OFD1: variants seen among roughly 807,000 people sequenced by gnomAD.
OFD1 encodes the protein OFD1 centriole and centriolar satellite protein, also known as centriole and centriolar satellite protein OFD1.
OFD1 carries 12 observed loss-of-function variants against 81.4 expected under a neutral mutation model. The observed-to-expected ratio is 0.15, with a 90% confidence interval of 0.09 to 0.24. The LOEUF (loss-of-function observed/expected upper bound fraction) is 0.24. OFD1 is among the 10% of genes least tolerant of loss of function. OFD1 has a pLI of 1.00. For synonymous variants in OFD1, 256 were observed against 263.7 expected, an observed-to-expected ratio of 0.97 and a Z score of 0.28; for missense variants, 685 against 733.9, an observed-to-expected ratio of 0.93 and a Z score of 0.77.
intron 15 of OFD1, among the ~76,000 whole-genome samples, chrX:13,759,210 C>T (rs1271675657): frequency 1.8e-5 from 2 of 112,115 alleles, no homozygotes. Flanking sequence ...CTTGTTCCCA[C>T]CTGCATTGTT....
the OFD1 span, chrX:13,722,208 C>CCAAAAAAAAAAAAAAAAAAAA: frequency 8.3e-5 from 3 of 36,118 alleles, no homozygotes; most frequent in African/African-American, 3.6e-4. Flanking sequence ...TAAGCAGCAG[C>CCAAAAAAAAAAAAAAAAAAAA]AAAAAAAAAA....
chrX:13,746,243 T>G, intron 6 of OFD1, 76 bp from the exon 7 acceptor site: 1 of 966,918 alleles, frequency 1.0e-6, no homozygotes, highest in Non-Finnish European at 1.5e-6. Flanking sequence ...CCTCTTTACT[T>G]TTGAACCAGA....
intron 10 of OFD1, among the ~76,000 whole-genome samples, chrX:13,751,980 A>C (rs2047520555): frequency 1.8e-5 from 2 of 112,111 alleles, no homozygotes; most frequent in Admixed American, 1.9e-4. Context: ...TAAGCTGTAA[A>C]ATTGGAATTA....
At chrX:13,714,956 G>A in the OFD1 span, among the ~76,000 whole-genome samples, 1 of 112,168 alleles carries the variant, frequency 8.9e-6, no homozygotes, top group South Asian at 3.7e-4. Context: ...TAAATGATCA[G>A]CTTCTCAAAT....
chrX:13,744,258 A>G (rs997034108), intron 5 of OFD1, among the ~76,000 whole-genome samples, 157 bp from the exon 6 acceptor site: 1 of 111,544 alleles, frequency 9.0e-6, no homozygotes, highest in Non-Finnish European at 1.9e-5. Flanking sequence ...ACACCACTGC[A>G]CTCCAGCCTG....
intron 8 of OFD1, among the ~76,000 whole-genome samples, chrX:13,748,553 A>G (rs1007726439): frequency 4.5e-5 from 5 of 112,214 alleles, no homozygotes; most frequent in Non-Finnish European, 9.4e-5. Flanking sequence ...GATGAGGACT[A>G]TATCTGTCTA....
chrX:13,750,925 A>G, intron 9 of OFD1, among the ~76,000 whole-genome samples: 1 of 112,633 alleles, frequency 8.9e-6, no homozygotes, highest in South Asian at 3.6e-4. Context: ...TAATAATATC[A>G]TTATTTCATC....
intron 20 of OFD1, among the ~76,000 whole-genome samples, chrX:13,767,578 T>C (rs1268369811): frequency 8.9e-6 from 1 of 112,371 alleles, no homozygotes; most frequent in Non-Finnish European, 1.9e-5. Flanking sequence ...TGCAGAACTT[T>C]GCTTTGAAAA....
chrX:13,764,895 T>C (rs1350675654), intron 19 of OFD1, among the ~76,000 whole-genome samples: 1 of 111,090 alleles, frequency 9.0e-6, no homozygotes, highest in Non-Finnish European at 1.9e-5. Flanking sequence ...GGGAGGCAGA[T>C]GGTCAGCAGG....
chrX:13,757,854 G>GCA, intron 14 of OFD1, 64 bp downstream of exon 14: 2 of 1,130,258 alleles, frequency 1.8e-6, no homozygotes, highest in Admixed American at 4.4e-5. Flanking sequence ...CGTAAACTTG[G>GCA]CACAAGTCAC....
At chrX:13,741,431 A>C (rs951375378) in intron 5 of OFD1, among the ~76,000 whole-genome samples, 1 of 112,070 alleles carries the variant, frequency 8.9e-6, no homozygotes, top group African/African-American at 3.2e-5. Flanking sequence ...CTGTCCCCTG[A>C]CTCAGACCTA....
chrX:13,768,820 CTG>C, intron 22 of OFD1, 35 bp downstream of exon 22: 1 of 1,072,300 alleles, frequency 9.3e-7, no homozygotes, highest in African/African-American at 1.8e-5. Flanking sequence ...CATACACAAA[CTG>C]TTAATTGCTT....
upstream of OFD1, among the ~76,000 whole-genome samples, chrX:13,731,728 C>T (rs1477736783): frequency 8.9e-6 from 1 of 112,026 alleles, no homozygotes; most frequent in Non-Finnish European, 1.9e-5. Flanking sequence ...ACTCGGAGAA[C>T]ATTGGGTGCT....
At chrX:13,763,945 G>A (rs2048030782) in intron 19 of OFD1, 90 bp downstream of exon 19, 2 of 706,553 alleles carry the variant, frequency 2.8e-6, no homozygotes, top group Non-Finnish European at 4.5e-6. Flanking sequence ...TATCACTGAA[G>A]TCATCTTGTA....
At chrX:13,757,014 G>A (rs2047733719) in intron 13 of OFD1, among the ~76,000 whole-genome samples, 1 of 111,533 alleles carries the variant, frequency 9.0e-6, no homozygotes. Flanking sequence ...GCCCTAGGCT[G>A]GCCACTGTGC....
chrX:13,723,095 CAAAAAA>C, the OFD1 span, among the ~76,000 whole-genome samples: 1 of 62,766 alleles, frequency 1.6e-5, no homozygotes, highest in African/African-American at 6.1e-5. Context: ...GACTCCATCT[CAAAAAA>C]AAAAAAAAAA....
intron 10 of OFD1, among the ~76,000 whole-genome samples, chrX:13,751,616 C>T (rs939709519): frequency 1.8e-5 from 2 of 111,486 alleles, no homozygotes; most frequent in African/African-American, 6.5e-5. Context: ...GGCGGATCAC[C>T]TGAGGTCAGG....
chrX:13,760,492 G>A lies in OFD1; in HGVS notation c.2032G>A (p.Ala678Thr). 8.6e-7 allele frequency: 1 copy of A among 1,168,187 alleles called. No individual in the cohort carries two copies. Among genetic ancestry groups the A allele is most frequent in the Non-Finnish European group, 1.1e-6 (1 of 876,599 alleles). The change falls in exon 16 of 23, where the codon GCC (alanine) becomes ACC (threonine). Residue 678 changes from alanine (A) to threonine (T), a missense_variant. By Grantham distance (58) the Ala-to-Thr change is moderately conservative. Around this residue, in one of 3 missense-constraint regions of OFD1, gnomAD observed 259 missense variants for 254.4 expected, o/e 1.02. Coordinates refer to ENST00000340096, the MANE Select transcript of OFD1 (RefSeq NM_003611.3). Reference protein sequence around the residue: ...KSPPSLHLLEAFKNITSSSPE... With the variant: ...KSPPSLHLLETFKNITSSSPE... Reference sequence around the variant, plus strand: ...CCCACCATCTCTGCACTTGCTGGAAGCCTTCAAAAACATTACTTCCAGTTC... The same window carrying A: ...CCCACCATCTCTGCACTTGCTGGAAACCTTCAAAAACATTACTTCCAGTTC...
intron 16 of OFD1, 27 bp downstream of exon 16, chrX:13,760,747 G>A: frequency 1.7e-6 from 2 of 1,209,869 alleles, no homozygotes; most frequent in South Asian, 3.5e-5. Flanking sequence ...AAGGGTTGCG[G>A]GGTGCTCTGG....
Sources: allele counts gnomAD v4.1 joint callset (sites outside exome capture counted in the v4.1 genomes callset), GRCh38; gene constraint gnomAD v4.1.1; regional missense constraint gnomAD v4.1.1; transcripts MANE v1.5; gene names NCBI Gene and HGNC (gene_info 2026-07-23, HGNC 2026-07-21).